CAMK1D: variants seen among roughly 807,000 people sequenced by gnomAD.
CAMK1D encodes the protein calcium/calmodulin dependent protein kinase ID.
CAMK1D carries 9 observed loss-of-function variants against 47.7 expected under a neutral mutation model. The observed-to-expected ratio is 0.19, with a 90% CI of 0.11 to 0.33. The LOEUF is 0.33. Among genes scored for constraint, CAMK1D ranks in the 10% least tolerant of loss-of-function variants. The pLI is 1.00. For synonymous variants in CAMK1D, 184 were observed against 184.9 expected, an observed-to-expected ratio of 0.99 and a Z score of 0.04; for missense variants, 291 against 488.7, an observed-to-expected ratio of 0.60 and a Z score of 3.81.
chr10:12,750,078 A>G (rs901835810), intron 3 of CAMK1D, among the ~76,000 whole-genome samples: 6 of 152,216 alleles, frequency 3.9e-5, no homozygotes, highest in African/African-American at 1.2e-4. Flanking sequence ...TGACAAAGCC[A>G]TTTCAGCACA....
intron 2 of CAMK1D, among the ~76,000 whole-genome samples, chr10:12,632,098 C>T (rs1220442394): frequency 1.3e-5 from 2 of 152,228 alleles, no homozygotes; most frequent in African/African-American, 2.4e-5. Flanking sequence ...GGCAGTGTCT[C>T]CACCTAACCA....
At chr10:12,815,137 A>G (rs1832745634) in intron 7 of CAMK1D, among the ~76,000 whole-genome samples, 1 of 152,198 alleles carries the variant, frequency 6.6e-6, no homozygotes, top group Admixed American at 6.5e-5. Context: ...TCATACAACT[A>G]GTAAGGGGCA....
intron 6 of CAMK1D, among the ~76,000 whole-genome samples, chr10:12,804,536 C>T (rs935463990): frequency 6.6e-6 from 1 of 152,064 alleles, no homozygotes; most frequent in Non-Finnish European, 1.5e-5. Flanking sequence ...ATCGCTTGAA[C>T]TCAGGAGGTG....
chr10:12,555,328 T>TAAC (rs1836726767), intron 2 of CAMK1D, among the ~76,000 whole-genome samples: 3 of 152,368 alleles, frequency 2.0e-5, no homozygotes, highest in Admixed American at 2.0e-4. Flanking sequence ...GACCTTTGTG[T>TAAC]AACTCACAGA....
intron 1 of CAMK1D, among the ~76,000 whole-genome samples, chr10:12,385,982 G>A (rs751257342): frequency 6.6e-5 from 10 of 152,254 alleles, no homozygotes; most frequent in Non-Finnish European, 1.5e-4. Flanking sequence ...CTGACCTCAG[G>A]TGATCCACCT....
chr10:12,743,289 G>T lies in CAMK1D; in HGVS notation c.300-17659G>T, dbSNP rs559860781. ...TTGAACCCAGGAGGCAGAGGTTGCA[G>T]TGAGCCAAGATTGTGCCACCGTCCT... On this transcript the variant is annotated intron_variant, in intron 3 of 10. Transcript: ENST00000619168. 1.2e-3 allele frequency among the ~76,000 whole-genome samples: 175 copies of T among 150,736 alleles called. 1 individual carries two copies. The highest frequency in any genetic ancestry group is 3.9e-3 in the African/African-American group (158 of 40,828).
Position 12,746,378 on chromosome 10 carries a change from AAGTT to A in CAMK1D, c.300-14566_300-14563del, listed in dbSNP as rs1401144194. On this transcript the variant is annotated intron_variant, in intron 3 of 10. Transcript: ENST00000619168. ...GACTCCGTCTCAAAAAAAAAAAAAAAAGTTAGTGAATCTCAAATCTGTCCACTTG... is the reference window on the plus strand; with the variant it reads ...GACTCCGTCTCAAAAAAAAAAAAAAAAGTGAATCTCAAATCTGTCCACTTG... Among the ~76,000 whole-genome samples, 74 of 151,682 alleles carry A rather than the reference AAGTT, an allele frequency of 4.9e-4. 1 individual carries two copies. Among genetic ancestry groups the A allele is most frequent in the African/African-American group, 1.7e-3 (72 of 41,230 alleles).
intron 2 of CAMK1D, among the ~76,000 whole-genome samples, chr10:12,587,711 C>T (rs1253674206): frequency 6.6e-5 from 10 of 152,096 alleles, no homozygotes; most frequent in Non-Finnish European, 1.3e-4. Context: ...TCCTTTCCTT[C>T]TTGTAATAAA....
At chr10:12,398,640 T>C (rs1839059312) in intron 1 of CAMK1D, among the ~76,000 whole-genome samples, 1 of 152,194 alleles carries the variant, frequency 6.6e-6, no homozygotes, top group African/African-American at 2.4e-5. Flanking sequence ...TGAGCCACCG[T>C]GCCCAGCCCA....
intron 2 of CAMK1D, among the ~76,000 whole-genome samples, chr10:12,562,951 A>C (rs1478793353): frequency 6.6e-6 from 1 of 152,256 alleles, no homozygotes; most frequent in Non-Finnish European, 1.5e-5. Context: ...GCTGACTTCC[A>C]GTTCTCTCTG....
At chr10:12,614,397 A>C (rs1288553347) in intron 2 of CAMK1D, among the ~76,000 whole-genome samples, 1 of 152,242 alleles carries the variant, frequency 6.6e-6, no homozygotes. Flanking sequence ...CATTTAAGCA[A>C]ATGCAACCAT....
rs1326533788 is a variant in CAMK1D, at chr10:12,483,320, C to A, written c.93-69905C>A. ...GGGCTCAAGCAGTCCTCCACTTCAG[C>A]CTCCCAAGTAGCTGAGACTACAGGT... On this transcript the variant is annotated intron_variant, in intron 1 of 10. Transcript: ENST00000619168. Among the ~76,000 whole-genome samples the A allele has an allele frequency of 3.3e-5, 5 of 151,678 alleles. No individual in the cohort carries two copies. In the East Asian group the frequency reaches 9.8e-4, roughly 30 times the overall value.
At chr10:12,375,961 G>C (rs780056250) in intron 1 of CAMK1D, among the ~76,000 whole-genome samples, 1 of 151,780 alleles carries the variant, frequency 6.6e-6, no homozygotes, top group Non-Finnish European at 1.5e-5. Context: ...CCAGGAGTTC[G>C]AGACCAGCCT....
At chr10:12,669,872 A>G (rs1351819477) in intron 3 of CAMK1D, among the ~76,000 whole-genome samples, 1 of 151,922 alleles carries the variant, frequency 6.6e-6, no homozygotes. Context: ...ATTCCTTTTT[A>G]TTGCTGAGTA....
At chr10:12,526,557 T>C (rs1042524835) in intron 1 of CAMK1D, among the ~76,000 whole-genome samples, 4 of 152,152 alleles carry the variant, frequency 2.6e-5, no homozygotes, top group African/African-American at 9.7e-5. Context: ...ACATACGTGA[T>C]TTTGCTATTT....
At chr10:12,738,139 G>A (rs111601613) in intron 3 of CAMK1D, among the ~76,000 whole-genome samples, 5 of 152,308 alleles carry the variant, frequency 3.3e-5, no homozygotes, top group African/African-American at 4.8e-5. Context: ...GTGACAATGT[G>A]TGGAAAATAT....
At chr10:12,354,021 G>A (rs1183619560) in intron 1 of CAMK1D, among the ~76,000 whole-genome samples, 1 of 152,166 alleles carries the variant, frequency 6.6e-6, no homozygotes, top group East Asian at 1.9e-4. Context: ...TAGACTCATA[G>A]AAGTCACTTC....
In CAMK1D at chr10:12,618,125, C is replaced by T. The variant is rs75328076; in HGVS notation, c.225-48611C>T. 4.1e-3 allele frequency among the ~76,000 whole-genome samples: 628 copies of T among 152,252 alleles called. 5 individuals are homozygous for T. The highest frequency in any genetic ancestry group is 0.013 in the African/African-American group (531 of 41,546). On this transcript the variant is annotated intron_variant, in intron 2 of 10. Coordinates refer to ENST00000619168, the MANE Select transcript of CAMK1D (RefSeq NM_153498.4). Reference sequence around the variant, plus strand: ...GATCCAGTGGTTCATGATTAGCAGCCGATTCAGGGCTCTGTGTCTCTCTCT... The same window carrying T: ...GATCCAGTGGTTCATGATTAGCAGCTGATTCAGGGCTCTGTGTCTCTCTCT...
At chr10:12,787,727 C>CGCG (rs1837795170) in intron 5 of CAMK1D, among the ~76,000 whole-genome samples, 1 of 152,194 alleles carries the variant, frequency 6.6e-6, no homozygotes, top group Non-Finnish European at 1.5e-5. Flanking sequence ...AGAGGCCGGG[C>CGCG]GCGGTGGCTC....
Sources: gnomAD v4.1 joint callset for allele counts (sites outside exome capture counted in the v4.1 genomes callset) on GRCh38, gnomAD v4.1.1 for gene constraint, MANE v1.5 for transcripts, NCBI Gene and HGNC (gene_info 2026-07-23, HGNC 2026-07-21) for gene names.